Variants in ABCA12 observed in about 807,000 individuals in gnomAD.
ABCA12 encodes ATP binding cassette subfamily A member 12.
Under a neutral mutation model 293.5 loss-of-function variants are expected in ABCA12, and 156 were observed. The ratio of observed to expected loss-of-function variants is 0.53; its 90% CI spans 0.47 to 0.61. ABCA12 has a LOEUF of 0.61. Among genes scored for constraint, ABCA12 ranks in the 20% least tolerant of loss-of-function variants. The pLI, the probability that ABCA12 is intolerant of heterozygous loss-of-function variation, is 0.00. For synonymous variants in ABCA12, 1,063 were observed against 1,108.0 expected (o/e 0.96, Z 0.81); for missense variants, 2,797 against 3,090.2 (o/e 0.91, Z 2.25).
In ABCA12 at chr2:214,946,911, A is replaced by G. The variant is rs544331928; in HGVS notation, c.7239+511T>C. On this transcript the variant is annotated intron_variant, in intron 48 of 52. Transcript: ENST00000272895. ...TATACCCCCCACATTCAGATGACAT[A>G]GGATGGATCCATCACATCCTAAGCT... 1.9e-3 allele frequency among the ~76,000 whole-genome samples: 282 copies of G among 152,212 alleles called. 2 individuals carry two copies. The highest frequency in any genetic ancestry group is 6.3e-3 in the African/African-American group (263 of 41,552).
chr2:214,955,835 C>T (rs981005768), intron 42 of ABCA12, among the ~76,000 whole-genome samples: 2 of 152,156 alleles, frequency 1.3e-5, no homozygotes, highest in East Asian at 1.9e-4. Flanking sequence ...AGTAAAAAGC[C>T]TCTTTAAGAA....
intron 45 of ABCA12, among the ~76,000 whole-genome samples, chr2:214,949,371 T>TACAC (rs1211812326): frequency 2.1e-5 from 3 of 142,830 alleles, no homozygotes; most frequent in African/African-American, 8.8e-5. Flanking sequence ...TATATATATA[T>TACAC]ATATATACAC....
chr2:214,997,628 G>A, intron 23 of ABCA12, 67 bp downstream of exon 23: 8 of 1,208,114 alleles, frequency 6.6e-6, no homozygotes, highest in Admixed American at 5.6e-5. Context: ...ATAAAGGCAT[G>A]ATGAAAATCA....
At chr2:215,051,409 G>C (rs919375174) in intron 5 of ABCA12, among the ~76,000 whole-genome samples, 17 of 152,010 alleles carry the variant, frequency 1.1e-4, no homozygotes, top group Admixed American at 1.1e-3. Flanking sequence ...CTTTTGTGCT[G>C]GCCTTTGGCT....
intron 36 of ABCA12, 138 bp downstream of exon 36, chr2:214,973,811 C>G: frequency 7.8e-6 from 6 of 764,988 alleles, no homozygotes; most frequent in Non-Finnish European, 1.1e-5. Flanking sequence ...TTTGAGCTGC[C>G]CAGATCCATA....
chr2:214,955,442 G>A lies in ABCA12; in HGVS notation c.6234-81C>T, dbSNP rs1347822284. 3 of 1,429,626 alleles carry A rather than the reference G, an allele frequency of 2.1e-6. No individual in the cohort carries two copies. The African/African-American group carries it at 4.3e-5, about 20-fold the overall frequency. The allele number at this position is 1,429,626 out of a possible 1,614,324, so 88.6% of individuals were successfully genotyped here. On this transcript the variant is annotated intron_variant, in intron 42 of 52. Transcript: ENST00000272895. The stretch of plus-strand genomic sequence containing the variant: ...CACACCTGTAATCCTAACACTTTAG[G>A]AGGCTGAGGCAGGTGGATCACTTGA...
intron 44 of ABCA12, among the ~76,000 whole-genome samples, chr2:214,951,479 T>C (rs1483554401): frequency 1.3e-5 from 2 of 152,132 alleles, no homozygotes; most frequent in Admixed American, 6.5e-5. Flanking sequence ...AAAAATCCTT[T>C]CATCCAGGTG....
chr2:214,983,394 G>C (rs2105967877), intron 29 of ABCA12, among the ~76,000 whole-genome samples: 1 of 152,144 alleles, frequency 6.6e-6, no homozygotes, highest in East Asian at 1.9e-4. Context: ...AGTAGCCATG[G>C]AGATCAGAAG....
chr2:215,084,145 AT>A lies in ABCA12; in HGVS notation c.164-19927del, dbSNP rs1191073016. ...GACACGTACCACCACACCTGGCCAA[AT>A]TTTTTTGTTTGTTTTGTTTTGTGTA... On this transcript the variant is annotated intron_variant, in intron 2 of 52. Transcript: ENST00000272895. 2.6e-5 allele frequency among the ~76,000 whole-genome samples: 4 copies of A among 151,922 alleles called. No homozygotes were observed. In the East Asian group the frequency reaches 7.8e-4, roughly 30 times the overall value.
At chr2:214,972,392 A>C (rs1559122572) in intron 36 of ABCA12, among the ~76,000 whole-genome samples, 2 of 152,102 alleles carry the variant, frequency 1.3e-5, no homozygotes, top group South Asian at 4.1e-4. Flanking sequence ...TTGAAGATCT[A>C]CTGGATTTTT....
chr2:215,133,149 A>ATTTT lies in ABCA12; in HGVS notation c.69+4987_69+4990dup, dbSNP rs55641331. Among the ~76,000 whole-genome samples, 87 of 34,876 alleles carry ATTTT rather than the reference A, an allele frequency of 2.5e-3. 17 individuals are homozygous for ATTTT. Among genetic ancestry groups the ATTTT allele is most frequent in the East Asian group, 0.011 (7 of 612 alleles). The allele number at this position is 34,876 out of a possible 152,430, so 22.9% of individuals were successfully genotyped here. A position where few individuals can be genotyped will look rare whatever the true frequency, so the allele number is the denominator to read the frequency against. On this transcript the variant is annotated intron_variant, in intron 1 of 52. Coordinates refer to ENST00000272895, the MANE Select transcript of ABCA12 (RefSeq NM_173076.3). ...TGACTCTTTTCTCTAGCTGGCTTTA[A>ATTTT]TTTTTTTTTTTTTTTTTTTTTTTTT... is the stretch of plus-strand genomic sequence containing the variant.
chr2:214,985,906 T>C (rs1699775179), intron 28 of ABCA12, among the ~76,000 whole-genome samples: 1 of 152,162 alleles, frequency 6.6e-6, no homozygotes. Flanking sequence ...GTTGAATCTC[T>C]TCTCCATTCT....
At chr2:214,978,543 T>C in intron 32 of ABCA12, 77 bp from the exon 33 acceptor site, 2 of 1,539,772 alleles carry the variant, frequency 1.3e-6, no homozygotes, top group South Asian at 2.3e-5. Context: ...ACCTTTGATT[T>C]TGAACTTTTA....
At chr2:215,042,288 G>A (rs955577031) in intron 7 of ABCA12, 1 of 152,158 alleles carries the variant, frequency 6.6e-6, no homozygotes, top group Non-Finnish European at 1.5e-5. Context: ...CCAGGCCAGA[G>A]AGCACTGACA....
chr2:214,964,158 AT>A (rs1194534667), intron 39 of ABCA12, among the ~76,000 whole-genome samples: 2 of 152,198 alleles, frequency 1.3e-5, no homozygotes, highest in African/African-American at 4.8e-5. Flanking sequence ...ATAGACGCGG[AT>A]AAGGCATTTG....
At chr2:215,105,351 G>A (rs1350246210) in intron 2 of ABCA12, among the ~76,000 whole-genome samples, 4 of 152,270 alleles carry the variant, frequency 2.6e-5, no homozygotes, top group East Asian at 3.9e-4. Context: ...AAAAGGACAT[G>A]CATCAACGTG....
chr2:215,058,671 T>C (rs1350168231), intron 3 of ABCA12, among the ~76,000 whole-genome samples: 1 of 152,028 alleles, frequency 6.6e-6, no homozygotes, highest in East Asian at 1.9e-4. Flanking sequence ...ATCAGCTTAC[T>C]AACTTCTACT....
At chr2:214,937,683 G>A in intron 50 of ABCA12, 68 bp from the exon 51 acceptor site, 1 of 1,176,324 alleles carries the variant, frequency 8.5e-7, no homozygotes, top group South Asian at 1.2e-5. Context: ...TGGAATTCTA[G>A]ATAATGAAAC....
intron 4 of ABCA12, among the ~76,000 whole-genome samples, chr2:215,053,079 T>C (rs1398909316): frequency 1.3e-5 from 2 of 152,130 alleles, no homozygotes; most frequent in African/African-American, 4.8e-5. Flanking sequence ...GGTTTCTGAA[T>C]GATATTTTAG....
Sources: gnomAD v4.1 joint callset for allele counts (sites outside exome capture counted in the v4.1 genomes callset) on GRCh38, gnomAD v4.1.1 for gene constraint, MANE v1.5 for transcripts, NCBI Gene and HGNC (gene_info 2026-07-23, HGNC 2026-07-21) for gene names.